Variants in CARS2 observed in about 807,000 individuals in gnomAD.
CARS2 encodes probable cysteine--tRNA ligase, mitochondrial.
In CARS2, 52 loss-of-function variants were observed where a neutral mutation model predicts 68.8. The observed-to-expected ratio is 0.76, with a 90% CI of 0.61 to 0.95. CARS2 has a LOEUF of 0.95. Among genes scored for constraint, CARS2 ranks in the 40% least tolerant of loss-of-function variants. The pLI is 0.00. For missense variants in CARS2, 780 were observed against 754.2 expected (o/e 1.03, Z -0.40); for synonymous variants, 314 against 303.6 (o/e 1.03, Z -0.36).
At chr13:110,664,171 C>CGT in intron 8 of CARS2, 1 of 985,102 alleles carries the variant, frequency 1.0e-6, no homozygotes, top group South Asian at 4.7e-5. Flanking sequence ...CTTTCTGTTT[C>CGT]TAACAGAAGA....
chr13:110,671,435 T>C (rs1213053), intron 7 of CARS2, among the ~76,000 whole-genome samples: 2 of 152,168 alleles, frequency 1.3e-5, no homozygotes, highest in Non-Finnish European at 2.9e-5. Context: ...AAAGAATTTT[T>C]AACCCAGAAT....
At position 110,647,670 on chromosome 13, in the gene CARS2, T is replaced by C. The variant is rs539353776; in HGVS notation, c.1055-431A>G. On this transcript the variant is annotated intron_variant, in intron 10 of 14. Transcript: ENST00000257347. ...GAAGGCCCTCCCGAGGGAAAGTGCC[T>C]GTGTGTGATGGGACAGCCCAAAGAG... 1.1e-4 allele frequency among the ~76,000 whole-genome samples: 9 copies of C among 84,216 alleles called. No individual in the cohort carries two copies. The East Asian group carries it at 2.6e-3, about 25-fold the overall frequency. The allele number at this position is 84,216 out of a possible 152,430, so 55.2% of individuals were successfully genotyped here. A position where few individuals can be genotyped will look rare whatever the true frequency, so the allele number is the denominator to read the frequency against.
chr13:110,646,230 A>G, intron 11 of CARS2, 140 bp from the exon 12 acceptor site: 7 of 931,724 alleles, frequency 7.5e-6, no homozygotes, highest in Non-Finnish European at 1.1e-5. Context: ...CAAAGACTTG[A>G]GTTCCTGAGT....
At chr13:110,650,941 T>TA (rs2062192171) in intron 10 of CARS2, 93 bp downstream of exon 10, 1 of 902,294 alleles carries the variant, frequency 1.1e-6, no homozygotes. Context: ...AGGTTCTGCT[T>TA]ATTCTCTGGC....
chr13:110,683,158 T>C, intron 5 of CARS2, 24 bp from the exon 6 acceptor site: 1 of 1,480,122 alleles, frequency 6.8e-7, no homozygotes. Flanking sequence ...CAATTATGAA[T>C]TCATCACTTC....
intron 6 of CARS2, among the ~76,000 whole-genome samples, chr13:110,678,544 C>G (rs2063041056): frequency 2.6e-5 from 4 of 152,214 alleles, no homozygotes; most frequent in Admixed American, 2.6e-4. Flanking sequence ...TTACTAGTCA[C>G]TTTACTAAGA....
chr13:110,712,442 G>A (rs919421040), intron 1 of CARS2: 1 of 190,722 alleles, frequency 5.2e-6, no homozygotes, highest in Non-Finnish European at 1.1e-5. Context: ...GGAGGCCGAA[G>A]CCGAGGCCGC....
At position 110,665,392 on chromosome 13, in the gene CARS2, G is replaced by A; in HGVS notation, c.920-1874C>T. Reference sequence around the variant, plus strand: ...ACCCAGGAGGCAGAGGTTGCGGTGAGCTCAGATAGTGCCACTGCACTCCCA... The same window carrying A: ...ACCCAGGAGGCAGAGGTTGCGGTGAACTCAGATAGTGCCACTGCACTCCCA... On this transcript the variant is annotated intron_variant, in intron 8 of 14. Transcript: ENST00000257347. This position sits in a 1 kb window ranked among gnomAD's most constrained non-coding sequence, Gnocchi z 4.3. 1.1e-6 allele frequency: 1 copy of A among 946,580 alleles called. No individual in the cohort carries two copies. Among genetic ancestry groups the A allele is most frequent in the Non-Finnish European group, 1.3e-6 (1 of 794,342 alleles). 58.6% of individuals were successfully genotyped at this position (946,580 alleles called of 1,614,324 possible).
intron 3 of CARS2, among the ~76,000 whole-genome samples, chr13:110,696,286 A>G (rs1305399233): frequency 2.0e-5 from 3 of 152,118 alleles, no homozygotes; most frequent in Non-Finnish European, 4.4e-5. Flanking sequence ...GTATATACCC[A>G]GTAATGGGAT....
intron 9 of CARS2, among the ~76,000 whole-genome samples, chr13:110,652,059 C>T (rs1371215299): frequency 1.3e-5 from 2 of 152,274 alleles, no homozygotes; most frequent in African/African-American, 2.4e-5. Context: ...CCCTTTCCTG[C>T]CACCACCTCA....
At chr13:110,704,726 C>T (rs192190228) in intron 2 of CARS2, among the ~76,000 whole-genome samples, 5 of 151,570 alleles carry the variant, frequency 3.3e-5, no homozygotes, top group Admixed American at 1.3e-4. Flanking sequence ...GGCGACAGAG[C>T]GACTCCGTCT....
At chr13:110,680,277 A>C (rs530150750) in intron 6 of CARS2, among the ~76,000 whole-genome samples, 1 of 152,204 alleles carries the variant, frequency 6.6e-6, no homozygotes, top group Admixed American at 6.5e-5. Flanking sequence ...CTGTAATCCC[A>C]GCTACTCTGG....
chr13:110,669,102 G>T (rs943898746), intron 7 of CARS2, among the ~76,000 whole-genome samples: 12 of 152,100 alleles, frequency 7.9e-5, no homozygotes, highest in Non-Finnish European at 1.6e-4. Context: ...AGGGTTTGAG[G>T]TCTGAGGAAT....
chr13:110,669,880 T>C (rs1392556843), intron 7 of CARS2, among the ~76,000 whole-genome samples: 1 of 152,114 alleles, frequency 6.6e-6, no homozygotes, highest in East Asian at 1.9e-4. Context: ...GCTTTTCCAA[T>C]GGTCTTAGCA....
intron 11 of CARS2, 165 bp downstream of exon 11, chr13:110,646,936 G>A (rs1888209455): frequency 3.8e-6 from 3 of 799,192 alleles, no homozygotes. Flanking sequence ...TGCACCTCCT[G>A]CCCAGCACCC....
intron 7 of CARS2, among the ~76,000 whole-genome samples, chr13:110,672,804 T>C (rs1000457068): frequency 2.0e-5 from 3 of 151,862 alleles, no homozygotes; most frequent in Admixed American, 1.3e-4. Context: ...ATCAACAAAA[T>C]TGATAGACCG....
chr13:110,709,063 ATTCTCTT>A (rs1039440077), upstream of CARS2, among the ~76,000 whole-genome samples: 1 of 146,424 alleles, frequency 6.8e-6, no homozygotes, highest in South Asian at 2.2e-4. Context: ...CACCTGGCCA[ATTCTCTT>A]TTCTCTTTTT....
chr13:110,705,627 G>T lies in CARS2; in HGVS notation c.225-56C>A. On this transcript the variant is annotated intron_variant, in intron 1 of 14. Coordinates refer to ENST00000257347, the MANE Select transcript of CARS2 (RefSeq NM_024537.4). This position sits in a 1 kb window ranked among gnomAD's most constrained non-coding sequence, Gnocchi z 4.0. ...AACATATTTGCAAGAAAGGACATTCGATTCTGAGTTATAATGATCATATAA... is the reference window on the plus strand; with the variant it reads ...AACATATTTGCAAGAAAGGACATTCTATTCTGAGTTATAATGATCATATAA... The T allele has an allele frequency of 6.5e-7, 1 of 1,531,748 alleles. No homozygotes were observed. Among genetic ancestry groups the T allele is most frequent in the Non-Finnish European group, 9.0e-7 (1 of 1,105,644 alleles). 94.9% of individuals were successfully genotyped at this position (1,531,748 alleles called of 1,614,324 possible).
chr13:110,665,168 C>T lies in CARS2; in HGVS notation c.920-1650G>A, dbSNP rs2062614279. The T allele has an allele frequency of 1.0e-6, 1 of 985,170 alleles. No homozygotes were observed. The highest frequency in any genetic ancestry group is 1.7e-5 in the African/African-American group (1 of 57,226). 61.0% of individuals were successfully genotyped at this position (985,170 alleles called of 1,614,324 possible). On this transcript the variant is annotated intron_variant, in intron 8 of 14. Coordinates refer to ENST00000257347, the MANE Select transcript of CARS2 (RefSeq NM_024537.4). The surrounding 1 kb of genome is among the most constrained non-coding windows in gnomAD (Gnocchi z 4.3). The stretch of plus-strand genomic sequence containing the variant: ...AAAAATAGCCACAAAACTTTCCCAC[C>T]ACGTGCAGTGGCTCACGCCTATAAT...
Sources: gnomAD v4.1 joint callset for allele counts (sites outside exome capture counted in the v4.1 genomes callset) on GRCh38, gnomAD v4.1.1 for gene constraint, Gnocchi (gnomAD v3.1) non-coding constraint, MANE v1.5 for transcripts, NCBI Gene and HGNC (gene_info 2026-07-23, HGNC 2026-07-21) for gene names.